Variants in INTS6 observed in about 807,000 individuals in gnomAD.
The protein encoded by INTS6 is integrator complex subunit 6, also known as DEAD box protein.
Under a neutral mutation model 104.9 loss-of-function variants are expected in INTS6, and 16 were observed. The observed-to-expected ratio is 0.15, with a 90% CI of 0.10 to 0.23. INTS6 has a LOEUF of 0.23. INTS6 is among the 10% of genes least tolerant of loss of function. The pLI, the probability that INTS6 is intolerant of heterozygous loss-of-function variation, is 1.00. For synonymous variants in INTS6, 324 were observed against 358.7 expected, an observed-to-expected ratio of 0.90 and a Z score of 1.09; for missense variants, 584 against 1,062.8, an observed-to-expected ratio of 0.55 and a Z score of 6.26.
chr13:51,370,674 G>T (rs80237586), intron 15 of INTS6, among the ~76,000 whole-genome samples: 31 of 152,320 alleles, frequency 2.0e-4, no homozygotes, highest in African/African-American at 7.5e-4. Flanking sequence ...CGGCCCAGTG[G>T]CAGCAGGCTG....
At chr13:51,367,229 GA>G (rs533191350) in intron 17 of INTS6, among the ~76,000 whole-genome samples, 1 of 149,934 alleles carries the variant, frequency 6.7e-6, no homozygotes, top group African/African-American at 2.5e-5. Flanking sequence ...AAAATGACAA[GA>G]AAAAAAAAGC....
chr13:51,398,826 T>C (rs1390566819), intron 4 of INTS6, among the ~76,000 whole-genome samples: 1 of 151,780 alleles, frequency 6.6e-6, no homozygotes, highest in Non-Finnish European at 1.5e-5. Flanking sequence ...ATAAATAAGC[T>C]GCAGTCTGTT....
chr13:51,347,172 C>T, the INTS6 span: 1 of 1,614,014 alleles, frequency 6.2e-7, no homozygotes, highest in Non-Finnish European at 8.5e-7. Flanking sequence ...CTGCCTTTCA[C>T]CTGTGCCTAT....
chr13:51,449,647 CTT>C, intron 3 of INTS6: 2 of 985,230 alleles, frequency 2.0e-6, no homozygotes, highest in Non-Finnish European at 2.4e-6. Context: ...TTAAATATCT[CTT>C]TGAACTCAAA....
In INTS6 at chr13:51,361,832, T is replaced by A. The variant is rs754099516; in HGVS notation, c.*3920A>T. The A allele has an allele frequency of 6.2e-7, 1 of 1,610,366 alleles. No homozygotes were observed. Among genetic ancestry groups the A allele is most frequent in the Non-Finnish European group, 8.5e-7 (1 of 1,178,326 alleles). On this transcript the variant is annotated 3_prime_UTR_variant, in exon 18 of 18. Transcript: ENST00000311234. ...CAGCTCTGTTGTTATTGAAAAGGTC[T>A]CGGATTCCTATTTTTAAAGCAGATC...
intron 3 of INTS6, chr13:51,448,966 TTAAA>T (rs1952979911): frequency 1.3e-5 from 2 of 152,324 alleles, no homozygotes; most frequent in African/African-American, 4.8e-5. Context: ...ATATTCAGTA[TTAAA>T]TATTTGAGAC....
chr13:51,349,490 A>G (rs758847168), downstream of INTS6, among the ~76,000 whole-genome samples: 1 of 152,244 alleles, frequency 6.6e-6, no homozygotes, highest in Non-Finnish European at 1.5e-5. Flanking sequence ...TCTTCCTATT[A>G]TATTTGAGAG....
Position 51,430,298 on chromosome 13 carries a change from T to C in INTS6, c.425A>G (p.Asp142Gly). 1 of 1,612,658 alleles carries C rather than the reference T, an allele frequency of 6.2e-7. No individual in the cohort carries two copies. The highest frequency in any genetic ancestry group is 8.5e-7 in the Non-Finnish European group (1 of 1,179,186). Reference sequence around the variant, plus strand: ...TGTAATATAAGCACAACTTACCTCATCCTGGACTCCACTGGTGGTAGTCAA... The same window carrying C: ...TGTAATATAAGCACAACTTACCTCACCCTGGACTCCACTGGTGGTAGTCAA... ...SKLTTTSGVQDELHLPLNSPL... is the reference protein window; with the variant it reads ...SKLTTTSGVQGELHLPLNSPL... Residue 142 changes from aspartate to glycine, a missense_variant, in exon 4 of 18, where the codon GAT becomes GGT. By Grantham distance (94) the Asp-to-Gly change is moderately conservative. This residue lies in a region of INTS6 where 70 missense variants were observed against 190.3 expected (regional missense o/e 0.37). Transcript: ENST00000311234.
the INTS6 span, among the ~76,000 whole-genome samples, chr13:51,338,634 C>T: frequency 7.9e-5 from 12 of 152,204 alleles, no homozygotes; most frequent in African/African-American, 2.9e-4. Flanking sequence ...TCCTTTCATA[C>T]TATGGCTTAG....
chr13:51,344,827 G>A, the INTS6 span, among the ~76,000 whole-genome samples: 3 of 152,130 alleles, frequency 2.0e-5, no homozygotes, highest in Non-Finnish European at 4.4e-5. Flanking sequence ...ACTGAGCTCT[G>A]CTCTCATTTA....
rs1247573634 is a variant in INTS6 at position 51,362,716 on chromosome 13, T to C, written c.*3036A>G. The C allele has an allele frequency of 6.6e-6, 1 of 152,426 alleles. No individual in the cohort carries two copies. Among genetic ancestry groups the C allele is most frequent in the Non-Finnish European group, 1.5e-5 (1 of 67,920 alleles). 9.4% of individuals were successfully genotyped at this position (152,426 alleles called of 1,614,324 possible). ...ATTTATGGAGAAAAATGTCAAAAGT[T>C]AGAATGAAAATTATGCATAGTTTTA... On this transcript the variant is annotated 3_prime_UTR_variant, in exon 18 of 18. Transcript: ENST00000311234.
chr13:51,452,281 T>C lies in INTS6; in HGVS notation c.111+134A>G, dbSNP rs1364239103. 4.3e-6 allele frequency: 4 copies of C among 936,394 alleles called. No individual in the cohort carries two copies. The highest frequency in any genetic ancestry group is 4.1e-4 in the Middle Eastern group (1 of 2,438). The allele number at this position is 936,394 out of a possible 1,614,324, so 58.0% of individuals were successfully genotyped here. On this transcript the variant is annotated intron_variant, in intron 1 of 17. Coordinates refer to ENST00000311234, the MANE Select transcript of INTS6 (RefSeq NM_012141.3). This position sits in a 1 kb window ranked among gnomAD's most constrained non-coding sequence, Gnocchi z 4.2. ...TCGCAGCGCCCGCCCGCCCGCGCGG[T>C]GGGGGAGGGGGTCCCCGAGCCCGGC... is the stretch of plus-strand genomic sequence containing the variant.
At chr13:51,344,368 C>T in the INTS6 span, 6 of 1,613,546 alleles carry the variant, frequency 3.7e-6, no homozygotes, top group African/African-American at 8.0e-5. Flanking sequence ...GCCACTGTCC[C>T]CCTGCTTTGT....
At chr13:51,337,673 C>T in the INTS6 span, among the ~76,000 whole-genome samples, 1 of 152,156 alleles carries the variant, frequency 6.6e-6, no homozygotes, top group African/African-American at 2.4e-5. Context: ...TTAGTTTCTT[C>T]ATCTGCAAAA....
chr13:51,449,124 G>C (rs965850153), intron 3 of INTS6: 10 of 152,124 alleles, frequency 6.6e-5, no homozygotes, highest in Non-Finnish European at 5.9e-5. Context: ...ATTTTCATTT[G>C]AAAACAGTGG....
At chr13:51,402,346 G>A (rs963439848) in intron 4 of INTS6, among the ~76,000 whole-genome samples, 1 of 152,170 alleles carries the variant, frequency 6.6e-6, no homozygotes, top group Non-Finnish European at 1.5e-5. Context: ...AGTAACCCAT[G>A]CTATATCATC....
chr13:51,417,318 C>T (rs186295466), intron 4 of INTS6, among the ~76,000 whole-genome samples: 1 of 152,240 alleles, frequency 6.6e-6, no homozygotes, highest in African/African-American at 2.4e-5. Flanking sequence ...ATGTTTTCTT[C>T]TAAGTTTTAG....
intron 4 of INTS6, among the ~76,000 whole-genome samples, chr13:51,400,267 C>T (rs567216246): frequency 1.3e-5 from 2 of 152,322 alleles, no homozygotes; most frequent in African/African-American, 4.8e-5. Context: ...TTATTGGATA[C>T]ATTATAGTAT....
In INTS6 at chr13:51,399,114, C is replaced by T. The variant is rs1054771323; in HGVS notation, c.430-3631G>A. Among the ~76,000 whole-genome samples the T allele has an allele frequency of 2.0e-5, 3 of 152,162 alleles. 1 individual carries two copies. Among genetic ancestry groups the T allele is most frequent in the Non-Finnish European group, 4.4e-5 (3 of 68,026 alleles). On this transcript the variant is annotated intron_variant, in intron 4 of 17. Transcript: ENST00000311234. ...GTATTGTCTCTTTGGTTTATGGCTTCTTTCATCATTGTAAAGGTAAGAATC... is the reference window on the plus strand; with the variant it reads ...GTATTGTCTCTTTGGTTTATGGCTTTTTTCATCATTGTAAAGGTAAGAATC...
Sources: allele counts gnomAD v4.1 joint callset (sites outside exome capture counted in the v4.1 genomes callset), GRCh38; gene constraint gnomAD v4.1.1; regional missense constraint gnomAD v4.1.1; non-coding constraint Gnocchi (gnomAD v3.1); transcripts MANE v1.5; gene names NCBI Gene and HGNC (gene_info 2026-07-23, HGNC 2026-07-21).